The following EPB41L4B variants were observed in gnomAD, a reference collection of about 807,000 sequenced individuals.
EPB41L4B encodes band 4.1-like protein 4B.
Under a neutral mutation model 112.5 loss-of-function variants are expected in EPB41L4B, and 30 were observed. The observed-to-expected ratio is 0.27, with a 90% CI of 0.20 to 0.36. The LOEUF is 0.36. Among genes scored for constraint, EPB41L4B ranks in the 10% least tolerant of loss-of-function variants. The pLI is 1.00. For missense variants in EPB41L4B, 1,024 were observed against 1,133.3 expected, an observed-to-expected ratio of 0.90 and a Z score of 1.38; for synonymous variants, 408 against 439.7, an observed-to-expected ratio of 0.93 and a Z score of 0.90.
chr9:109,177,592 T>C (rs781443028), intron 24 of EPB41L4B, among the ~76,000 whole-genome samples: 45 of 151,738 alleles, frequency 3.0e-4, no homozygotes, highest in Non-Finnish European at 6.3e-4. Flanking sequence ...GAGGTCGAGG[T>C]GGGTGGATCA....
chr9:109,292,119 T>C (rs1283475476), intron 1 of EPB41L4B, among the ~76,000 whole-genome samples: 2 of 152,322 alleles, frequency 1.3e-5, no homozygotes, highest in East Asian at 3.9e-4. Context: ...GCCTAACATC[T>C]GCTAGGGACC....
chr9:109,257,780 A>G (rs2119034700), intron 7 of EPB41L4B, among the ~76,000 whole-genome samples: 1 of 152,302 alleles, frequency 6.6e-6, no homozygotes, highest in African/African-American at 2.4e-5. Flanking sequence ...CAATCACTTG[A>G]GCTCAGGAGT....
At chr9:109,273,596 G>T (rs1029075199) in intron 2 of EPB41L4B, among the ~76,000 whole-genome samples, 1 of 152,212 alleles carries the variant, frequency 6.6e-6, no homozygotes, top group Non-Finnish European at 1.5e-5. Context: ...CACCATGCAA[G>T]GAGGCAGAAG....
chr9:109,247,525 A>C (rs923006664), intron 14 of EPB41L4B, among the ~76,000 whole-genome samples: 1 of 152,210 alleles, frequency 6.6e-6, no homozygotes, highest in Admixed American at 6.5e-5. Context: ...GACAAGGTTA[A>C]GAAAAACAGG....
intron 1 of EPB41L4B, among the ~76,000 whole-genome samples, chr9:109,308,914 C>T (rs1452916462): frequency 6.6e-6 from 1 of 152,016 alleles, no homozygotes; most frequent in Non-Finnish European, 1.5e-5. Flanking sequence ...CCTGTCTCTA[C>T]TAAAAATACA....
chr9:109,183,966 T>C (rs182175568), intron 23 of EPB41L4B, among the ~76,000 whole-genome samples: 17 of 152,378 alleles, frequency 1.1e-4, no homozygotes, highest in African/African-American at 4.1e-4. Flanking sequence ...CCACGTGTAC[T>C]GAGATGTCCA....
intron 20 of EPB41L4B, among the ~76,000 whole-genome samples, chr9:109,199,396 C>T (rs752004212): frequency 2.0e-5 from 3 of 152,042 alleles, no homozygotes; most frequent in African/African-American, 4.8e-5. Flanking sequence ...GGGCCAGGTG[C>T]GGTGGCTCAC....
At chr9:109,293,534 C>T (rs7039443) in intron 1 of EPB41L4B, among the ~76,000 whole-genome samples, 97,670 of 151,428 alleles carry the variant, frequency 0.64, 31,843 homozygotes, top group Middle Eastern at 0.82. Context: ...AGGCACCCGC[C>T]ACCACGCTCG....
chr9:109,210,673 T>C (rs940781907), intron 17 of EPB41L4B, among the ~76,000 whole-genome samples: 1 of 152,194 alleles, frequency 6.6e-6, no homozygotes, highest in African/African-American at 2.4e-5. Context: ...TGAAGGCCAA[T>C]ATACATTTTG....
intron 1 of EPB41L4B, among the ~76,000 whole-genome samples, chr9:109,306,119 G>A (rs1239799099): frequency 1.3e-5 from 2 of 152,026 alleles, no homozygotes; most frequent in Admixed American, 6.6e-5. Flanking sequence ...TGGGATATGG[G>A]GCCAAAATCT....
At chr9:109,189,863 A>C (rs2118669643) in intron 22 of EPB41L4B, among the ~76,000 whole-genome samples, 1 of 152,272 alleles carries the variant, frequency 6.6e-6, no homozygotes, top group Middle Eastern at 3.4e-3. Flanking sequence ...TCCTGACCTC[A>C]GGTGATCCAC....
intron 6 of EPB41L4B, 26 bp downstream of exon 6, chr9:109,263,024 C>A (rs905365925): frequency 6.6e-7 from 1 of 1,514,024 alleles, no homozygotes. Context: ...CATTAAAATG[C>A]TAATTACTAC....
rs565436396 is a variant in EPB41L4B at position 109,188,613 on chromosome 9, C to T, written c.2302-3008G>A. ...GGGTACCCTAATTTAATTTGAGATT[C>T]AGCTTCAGCCCTGCTGGTATAATTA... On this transcript the variant is annotated intron_variant, in intron 22 of 25. Coordinates refer to ENST00000374566, the MANE Select transcript of EPB41L4B (RefSeq NM_019114.5). Among the ~76,000 whole-genome samples the T allele has an allele frequency of 3.0e-4, 45 of 152,324 alleles. No individual in the cohort carries two copies. The South Asian group carries it at 9.1e-3, about 31-fold the overall frequency.
At chr9:109,211,807 G>A (rs916092089) in intron 17 of EPB41L4B, among the ~76,000 whole-genome samples, 9 of 146,664 alleles carry the variant, frequency 6.1e-5, no homozygotes, top group Non-Finnish European at 1.2e-4. Context: ...CCTCTGTCTC[G>A]TGGGTTCAAG....
At chr9:109,293,698 T>TAAA (rs58106653) in intron 1 of EPB41L4B, among the ~76,000 whole-genome samples, 12 of 131,662 alleles carry the variant, frequency 9.1e-5, no homozygotes, top group African/African-American at 3.4e-4. Flanking sequence ...TACACATTCT[T>TAAA]AAAAAAAAAA....
At chr9:109,275,967 C>G (rs917965676) in intron 2 of EPB41L4B, among the ~76,000 whole-genome samples, 3 of 151,490 alleles carry the variant, frequency 2.0e-5, no homozygotes, top group Non-Finnish European at 4.4e-5. Flanking sequence ...GGTTATGTGC[C>G]TTGTCCCCAA....
intron 1 of EPB41L4B, among the ~76,000 whole-genome samples, chr9:109,293,757 C>T (rs1836628335): frequency 6.6e-6 from 1 of 150,878 alleles, no homozygotes. Flanking sequence ...GGCACTAACT[C>T]TGTTTAGGAG....
intron 8 of EPB41L4B, 53 bp from the exon 9 acceptor site, chr9:109,256,277 A>G (rs1834980600): frequency 1.8e-5 from 28 of 1,588,566 alleles, no homozygotes; most frequent in Non-Finnish European, 2.4e-5. Context: ...GTCGTCACAC[A>G]GCAGAATGCA....
chr9:109,181,957 C>T (rs1832074371), intron 24 of EPB41L4B, among the ~76,000 whole-genome samples: 2 of 152,224 alleles, frequency 1.3e-5, no homozygotes, highest in Middle Eastern at 3.4e-3. Context: ...GCCTGTAATC[C>T]CAACACTTTG....
Sources: gnomAD v4.1 joint callset for allele counts (sites outside exome capture counted in the v4.1 genomes callset) on GRCh38, gnomAD v4.1.1 for gene constraint, MANE v1.5 for transcripts, NCBI Gene and HGNC (gene_info 2026-07-23, HGNC 2026-07-21) for gene names.